Variants in FBXO34 observed in about 807,000 individuals in gnomAD.
FBXO34 encodes the protein F-box only protein 34.
In FBXO34, 12 loss-of-function variants were observed where a neutral mutation model predicts 24.5. The observed-to-expected ratio is 0.49, with a 90% CI of 0.31 to 0.79. The LOEUF (loss-of-function observed/expected upper bound fraction) is 0.79. Ranked by LOEUF, FBXO34 falls within the 30% of genes least tolerant of loss-of-function variation. FBXO34 has a pLI of 0.04. For synonymous variants in FBXO34, 320 were observed against 311.9 expected (o/e 1.03, Z -0.27); for missense variants, 823 against 857.7 (o/e 0.96, Z 0.51).
chr14:55,273,828 CAG>C (rs1450941576), intron 1 of FBXO34, among the ~76,000 whole-genome samples: 3 of 152,112 alleles, frequency 2.0e-5, no homozygotes, highest in Non-Finnish European at 2.9e-5. Flanking sequence ...TTTTTTGAAA[CAG>C]AGCCTCGCTC....
At chr14:55,334,969 A>C (rs9323280) in intron 1 of FBXO34, among the ~76,000 whole-genome samples, 16,618 of 152,194 alleles carry the variant, frequency 0.11, 996 homozygotes, top group African/African-American at 0.15. Flanking sequence ...GATTTGGGGA[A>C]TAGGGTTTAT....
At chr14:55,301,304 G>A (rs1882346188) in intron 1 of FBXO34, among the ~76,000 whole-genome samples, 1 of 152,092 alleles carries the variant, frequency 6.6e-6, no homozygotes, top group Non-Finnish European at 1.5e-5. Flanking sequence ...AGGTGTGGTG[G>A]CATGTGCCTG....
At chr14:55,378,755 C>T in the FBXO34 span, among the ~76,000 whole-genome samples, 1 of 152,060 alleles carries the variant, frequency 6.6e-6, no homozygotes, top group African/African-American at 2.4e-5. Flanking sequence ...CTGGGGTGCA[C>T]TGGCATGATC....
At chr14:55,279,802 A>G (rs937476438) in intron 1 of FBXO34, among the ~76,000 whole-genome samples, 7 of 152,236 alleles carry the variant, frequency 4.6e-5, no homozygotes, top group Non-Finnish European at 8.8e-5. Flanking sequence ...TGGGAGAGGA[A>G]GTGGATTTCC....
At chr14:55,302,842 G>A (rs182265064) in intron 1 of FBXO34, among the ~76,000 whole-genome samples, 12 of 152,300 alleles carry the variant, frequency 7.9e-5, no homozygotes, top group African/African-American at 1.9e-4. Flanking sequence ...AAAAACTAAT[G>A]TAAGTAGTTT....
At chr14:55,424,253 A>G in the FBXO34 span, 1 of 1,604,844 alleles carries the variant, frequency 6.2e-7, no homozygotes, top group Non-Finnish European at 8.5e-7. Context: ...CAGGCTCGTA[A>G]CTGTTAAGAT....
the FBXO34 span, among the ~76,000 whole-genome samples, chr14:55,412,033 G>A: frequency 3.3e-5 from 5 of 152,208 alleles, no homozygotes; most frequent in Non-Finnish European, 7.3e-5. Flanking sequence ...ATATTAGAGG[G>A]GCTAGTCGGC....
At chr14:55,377,041 G>A in the FBXO34 span, among the ~76,000 whole-genome samples, 2 of 152,110 alleles carry the variant, frequency 1.3e-5, no homozygotes, top group South Asian at 4.1e-4. Context: ...TGATCAGATT[G>A]ACTCAGTGAT....
the FBXO34 span, chr14:55,382,196 A>G: frequency 2.5e-6 from 4 of 1,613,810 alleles, no homozygotes; most frequent in Non-Finnish European, 3.4e-6. Flanking sequence ...GGGTCTCTAC[A>G]AGTAGGAAGA....
chr14:55,436,083 T>C, the FBXO34 span: 4 of 502,670 alleles, frequency 8.0e-6, no homozygotes, highest in Middle Eastern at 5.3e-4. Flanking sequence ...ACATGATTCC[T>C]AGTTAAGTGT....
At chr14:55,417,779 G>T in the FBXO34 span, among the ~76,000 whole-genome samples, 1 of 152,278 alleles carries the variant, frequency 6.6e-6, no homozygotes, top group Non-Finnish European at 1.5e-5. Context: ...CTTTTCTTCA[G>T]GCTGTAATTT....
intron 1 of FBXO34, among the ~76,000 whole-genome samples, chr14:55,313,041 C>T (rs755556451): frequency 6.6e-6 from 1 of 152,184 alleles, no homozygotes; most frequent in African/African-American, 2.4e-5. Context: ...TGCTCTGCTT[C>T]CTTTTTAAAC....
chr14:55,347,536 A>G (rs1045074834), intron 1 of FBXO34, among the ~76,000 whole-genome samples: 2 of 152,178 alleles, frequency 1.3e-5, no homozygotes, highest in African/African-American at 4.8e-5. Flanking sequence ...GCTGGTGCCT[A>G]AATGTCCTGC....
the FBXO34 span, among the ~76,000 whole-genome samples, chr14:55,402,375 C>T: frequency 6.6e-6 from 1 of 151,550 alleles, no homozygotes; most frequent in African/African-American, 2.4e-5. Flanking sequence ...AATTGAGGGC[C>T]TAAAAAAAAA....
chr14:55,303,387 A>C (rs755553459), intron 1 of FBXO34, among the ~76,000 whole-genome samples: 6 of 152,184 alleles, frequency 3.9e-5, no homozygotes, highest in Non-Finnish European at 8.8e-5. Context: ...CATAGAACTA[A>C]GATGTAGCTT....
chr14:55,392,648 C>CAAAA, the FBXO34 span, among the ~76,000 whole-genome samples: 3 of 51,884 alleles, frequency 5.8e-5, no homozygotes, highest in Non-Finnish European at 4.1e-5. Flanking sequence ...GACTCCACCT[C>CAAAA]AAAAAAAAAA....
At chr14:55,403,387 C>A in the FBXO34 span, among the ~76,000 whole-genome samples, 206 of 152,230 alleles carry the variant, frequency 1.4e-3, no homozygotes, top group Middle Eastern at 0.01. Context: ...TCTAACTACA[C>A]TCGCTTCTTC....
chr14:55,313,594 ACT>A (rs1340255668), intron 1 of FBXO34, among the ~76,000 whole-genome samples: 9 of 152,180 alleles, frequency 5.9e-5, no homozygotes, highest in African/African-American at 2.2e-4. Context: ...GGTTTAATTG[ACT>A]CACAGTTTCA....
At chr14:55,326,305 C>A (rs1413425231) in intron 1 of FBXO34, among the ~76,000 whole-genome samples, 1 of 152,170 alleles carries the variant, frequency 6.6e-6, no homozygotes, top group Non-Finnish European at 1.5e-5. Flanking sequence ...TAGGGAAGAT[C>A]TGGGGGACTA....
Sources: gnomAD v4.1 joint callset for allele counts (sites outside exome capture counted in the v4.1 genomes callset) on GRCh38, gnomAD v4.1.1 for gene constraint, MANE v1.5 for transcripts, NCBI Gene and HGNC (gene_info 2026-07-23, HGNC 2026-07-21) for gene names.